Variants in VTA1 observed in about 807,000 individuals in gnomAD.
The protein encoded by VTA1 is vacuolar protein sorting-associated protein VTA1 homolog.
A neutral mutation model predicts 36.9 loss-of-function variants in VTA1; 24 were observed. The observed-to-expected ratio is 0.65, with a 90% CI of 0.47 to 0.91. VTA1 has a LOEUF of 0.91. Among genes scored for constraint, VTA1 ranks in the 40% least tolerant of loss-of-function variants. The pLI is 0.00. For missense variants in VTA1, 393 were observed against 377.2 expected (o/e 1.04, Z -0.35); for synonymous variants, 142 against 130.2 (o/e 1.09, Z -0.62).
chr6:142,220,137 C>G lies in VTA1; in HGVS notation c.*1494C>G, dbSNP rs1006281983. The G allele has an allele frequency of 2.0e-5, 3 of 152,036 alleles. No homozygotes were observed. Among genetic ancestry groups the G allele is most frequent in the African/African-American group, 7.2e-5 (3 of 41,384 alleles). 9.4% of individuals were successfully genotyped at this position (152,036 alleles called of 1,614,324 possible). A position where few individuals can be genotyped will look rare whatever the true frequency, so the allele number is the denominator to read the frequency against. On this transcript the variant is annotated 3_prime_UTR_variant, in exon 8 of 8. Coordinates refer to ENST00000367630, the MANE Select transcript of VTA1 (RefSeq NM_016485.5). The stretch of plus-strand genomic sequence containing the variant: ...TGTTCTAAATCCTCACAAAAAAGTC[C>G]CCAAACAACATGCCTCCTAAAAAAC...
intron 4 of VTA1, among the ~76,000 whole-genome samples, chr6:142,184,441 G>A (rs1775301897): frequency 6.6e-6 from 1 of 152,204 alleles, no homozygotes; most frequent in East Asian, 1.9e-4. Context: ...AGGGATGTCA[G>A]TTATTGCGTG....
intron 2 of VTA1, 32 bp downstream of exon 2, chr6:142,166,354 T>C (rs1409333900): frequency 6.8e-7 from 1 of 1,480,848 alleles, no homozygotes; most frequent in African/African-American, 1.4e-5. Flanking sequence ...TATTTTCTGG[T>C]TATGGTTAAA....
At chr6:142,172,958 A>C (rs1775055697) in intron 4 of VTA1, among the ~76,000 whole-genome samples, 1 of 150,302 alleles carries the variant, frequency 6.7e-6, no homozygotes, top group Non-Finnish European at 1.5e-5. Context: ...GAACTACAAA[A>C]CCATTTGACA....
chr6:142,179,981 A>G (rs1336508858), intron 4 of VTA1, among the ~76,000 whole-genome samples: 1 of 152,140 alleles, frequency 6.6e-6, no homozygotes, highest in Non-Finnish European at 1.5e-5. Context: ...TTAGGTTGGA[A>G]TTGTTGTAAT....
At chr6:142,169,472 AT>A in intron 2 of VTA1, 77 bp from the exon 3 acceptor site, 2 of 1,400,988 alleles carry the variant, frequency 1.4e-6, no homozygotes, top group South Asian at 2.7e-5. Context: ...ACTTAAAATG[AT>A]TATTAGAATT....
intron 5 of VTA1, among the ~76,000 whole-genome samples, 179 bp from the exon 6 acceptor site, chr6:142,198,260 A>AT (rs1422523339): frequency 1.3e-5 from 2 of 151,898 alleles, no homozygotes; most frequent in Non-Finnish European, 2.9e-5. Context: ...GTACAATTAC[A>AT]TTTTTTAAGA....
Position 142,221,556 on chromosome 6 carries a change from G to C in VTA1, c.*2913G>C, listed in dbSNP as rs1171581514. On this transcript the variant is annotated 3_prime_UTR_variant, in exon 8 of 8. Transcript: ENST00000367630. ...AAGGTTTTCAGAAGAAACGTAGCCT[G>C]ATGTGACTTAACTTTTGAAATAATC... 6.6e-6 allele frequency: 1 copy of C among 152,018 alleles called. No homozygotes were observed. Among genetic ancestry groups the C allele is most frequent in the Non-Finnish European group, 1.5e-5 (1 of 68,018 alleles). 9.4% of individuals were successfully genotyped at this position (152,018 alleles called of 1,614,324 possible).
chr6:142,218,573 A>C lies in VTA1; in HGVS notation c.854A>C (p.Tyr285Ser). The C allele has an allele frequency of 6.2e-7, 1 of 1,613,712 alleles. No individual in the cohort carries two copies. The highest frequency in any genetic ancestry group is 8.5e-7 in the Non-Finnish European group (1 of 1,179,754). ...AAATATGCTGGCAGTGCTTTGCAGT[A>C]TGAAGATGTAAGCACTGCTGTCCAG... ...YCKYAGSALQ[Y>S]EDVSTAVQNL... Residue 285 changes from tyrosine (Y) to serine (S), a missense_variant, in exon 8 of 8, where the codon TAT (tyrosine) becomes TCT (serine). Physicochemically the swap from Tyr to Ser is moderately radical, Grantham distance 144. Transcript: ENST00000367630.
chr6:142,211,600 A>G (rs1367643914), intron 7 of VTA1, among the ~76,000 whole-genome samples: 1 of 151,850 alleles, frequency 6.6e-6, no homozygotes, highest in Non-Finnish European at 1.5e-5. Flanking sequence ...AATCCCAGCT[A>G]CTCGGGAGGC....
intron 7 of VTA1, 59 bp downstream of exon 7, chr6:142,204,124 G>A: frequency 6.8e-7 from 1 of 1,465,882 alleles, no homozygotes; most frequent in Non-Finnish European, 9.5e-7. Context: ...TTGCTGTTTT[G>A]TAATTTTACC....
intron 4 of VTA1, among the ~76,000 whole-genome samples, chr6:142,175,428 GT>G (rs1421911716): frequency 6.6e-6 from 1 of 151,848 alleles, no homozygotes; most frequent in Admixed American, 6.6e-5. Context: ...CTTTGCCTAA[GT>G]TTTATCTTCT....
In VTA1 at chr6:142,215,894, A is replaced by G. The variant is rs529114864; in HGVS notation, c.779-2604A>G. ...CAGGCTCTCTTTGCCACTGTAGTAG[A>G]GGATTTAACTGATAGTTCTAGCTCT... On this transcript the variant is annotated intron_variant, in intron 7 of 7. Transcript: ENST00000367630. Among the ~76,000 whole-genome samples the G allele has an allele frequency of 4.1e-4, 63 of 152,280 alleles. No individual in the cohort carries two copies. In the Middle Eastern group the frequency reaches 0.014, roughly 33 times the overall value.
chr6:142,186,674 C>G (rs577670358), intron 4 of VTA1, among the ~76,000 whole-genome samples: 1 of 152,194 alleles, frequency 6.6e-6, no homozygotes, highest in South Asian at 2.1e-4. Flanking sequence ...ATCAAAAGAA[C>G]AGTTTTAATT....
chr6:142,150,313 C>T (rs1381379720), intron 1 of VTA1, among the ~76,000 whole-genome samples: 5 of 152,324 alleles, frequency 3.3e-5, no homozygotes, highest in Non-Finnish European at 7.3e-5. Context: ...GCTCTCCAAA[C>T]TGGAGTAGGC....
At chr6:142,165,349 G>T (rs1345342618) in intron 1 of VTA1, among the ~76,000 whole-genome samples, 1 of 152,156 alleles carries the variant, frequency 6.6e-6, no homozygotes, top group African/African-American at 2.4e-5. Context: ...TATGACCCAA[G>T]AATCTCACCT....
chr6:142,170,471 C>A, intron 4 of VTA1, 50 bp downstream of exon 4: 2 of 1,250,124 alleles, frequency 1.6e-6, no homozygotes, highest in South Asian at 1.5e-5. Context: ...AGTAATGTTT[C>A]TGTTTATCAA....
rs140102511 is a variant in VTA1, at chr6:142,186,294, G to A, written c.412-3132G>A. On this transcript the variant is annotated intron_variant, in intron 4 of 7. Coordinates refer to ENST00000367630, the MANE Select transcript of VTA1 (RefSeq NM_016485.5). ...GGGATAGGGACATTGAGAAGAGGTTGGACAATCAAGAACCAGGTAGAGTAG... is the reference window on the plus strand; with the variant it reads ...GGGATAGGGACATTGAGAAGAGGTTAGACAATCAAGAACCAGGTAGAGTAG... 3.1e-4 allele frequency among the ~76,000 whole-genome samples: 47 copies of A among 151,916 alleles called. 1 individual carries two copies. The highest frequency in any genetic ancestry group is 1.4e-4 in the African/African-American group (6 of 41,410).
At chr6:142,152,754 A>G (rs1778591166) in intron 1 of VTA1, among the ~76,000 whole-genome samples, 1 of 152,162 alleles carries the variant, frequency 6.6e-6, no homozygotes. Flanking sequence ...AGACATCAAC[A>G]TAAAAACATG....
intron 4 of VTA1, among the ~76,000 whole-genome samples, chr6:142,186,162 G>A (rs144225739): frequency 6.6e-6 from 1 of 152,216 alleles, no homozygotes; most frequent in African/African-American, 2.4e-5. Flanking sequence ...GAGTAGGGGT[G>A]GGTTAGCTGG....
Sources: allele counts gnomAD v4.1 joint callset (sites outside exome capture counted in the v4.1 genomes callset), GRCh38; gene constraint gnomAD v4.1.1; transcripts MANE v1.5; gene names NCBI Gene and HGNC (gene_info 2026-07-23, HGNC 2026-07-21).